Variants in SCFD2 observed in about 807,000 individuals in gnomAD.
SCFD2 encodes the protein sec1 family domain-containing protein 2.
A neutral mutation model predicts 58.9 loss-of-function variants in SCFD2; 54 were observed. The observed-to-expected ratio is 0.92, with a 90% confidence interval of 0.74 to 1.15. SCFD2 has a LOEUF of 1.15. SCFD2 is among the 50% of genes most tolerant of loss of function. The pLI, the probability that SCFD2 is intolerant of heterozygous loss-of-function variation, is 0.00. For synonymous variants in SCFD2, 321 were observed against 335.9 expected, an observed-to-expected ratio of 0.96 and a Z score of 0.49; for missense variants, 805 against 836.6, an observed-to-expected ratio of 0.96 and a Z score of 0.47.
At chr4:53,252,124 C>T (rs1273927585) in intron 4 of SCFD2, among the ~76,000 whole-genome samples, 1 of 147,132 alleles carries the variant, frequency 6.8e-6, no homozygotes, top group Non-Finnish European at 1.5e-5. Context: ...TGAGTGAACT[C>T]CCATTCACAA....
chr4:53,216,951 C>T (rs1387145225), intron 4 of SCFD2, among the ~76,000 whole-genome samples: 34 of 152,140 alleles, frequency 2.2e-4, no homozygotes, highest in Non-Finnish European at 3.7e-4. Flanking sequence ...TGTAGCTGAG[C>T]GGTTTTGAGT....
chr4:53,000,640 G>A (rs540250820), intron 5 of SCFD2, among the ~76,000 whole-genome samples: 1 of 152,284 alleles, frequency 6.6e-6, no homozygotes, highest in South Asian at 2.1e-4. Context: ...CCAGAGTCTT[G>A]GCCTATCTTC....
chr4:52,885,113 G>T (rs1718703822), intron 8 of SCFD2, among the ~76,000 whole-genome samples: 1 of 152,182 alleles, frequency 6.6e-6, no homozygotes, highest in Non-Finnish European at 1.5e-5. Flanking sequence ...GGGATGGGAT[G>T]GGGCCTGACA....
At chr4:53,125,027 C>G (rs770372957) in intron 5 of SCFD2, among the ~76,000 whole-genome samples, 4 of 152,162 alleles carry the variant, frequency 2.6e-5, no homozygotes, top group African/African-American at 4.8e-5. Flanking sequence ...AGAAGGAACA[C>G]ATGTGGATAA....
intron 4 of SCFD2, among the ~76,000 whole-genome samples, chr4:53,152,372 A>T (rs1290952609): frequency 1.3e-5 from 2 of 152,182 alleles, no homozygotes; most frequent in African/African-American, 4.8e-5. Context: ...AAAAAAAATT[A>T]AAAAAAGAAC....
At chr4:53,128,749 T>C (rs566835918) in intron 5 of SCFD2, among the ~76,000 whole-genome samples, 5 of 152,242 alleles carry the variant, frequency 3.3e-5, no homozygotes, top group Non-Finnish European at 7.3e-5. Context: ...TTGTTATCCA[T>C]GGAAGAGATG....
intron 5 of SCFD2, among the ~76,000 whole-genome samples, chr4:53,095,394 G>A (rs1006413815): frequency 1.6e-4 from 22 of 139,510 alleles, no homozygotes; most frequent in African/African-American, 5.4e-4. Flanking sequence ...TCCAGAGAAT[G>A]CCTAAGGCAT....
chr4:52,878,928 C>T (rs750583931), intron 8 of SCFD2, among the ~76,000 whole-genome samples: 10 of 152,128 alleles, frequency 6.6e-5, no homozygotes, highest in Non-Finnish European at 1.0e-4. Flanking sequence ...TCCCTGCTTC[C>T]TCTCCCTTTC....
chr4:53,230,003 C>CA (rs1246474171), intron 4 of SCFD2, among the ~76,000 whole-genome samples: 1 of 151,850 alleles, frequency 6.6e-6, no homozygotes, highest in African/African-American at 2.4e-5. Flanking sequence ...TTTATGCAGC[C>CA]AAAAAAACAC....
Position 52,902,801 on chromosome 4 carries a change from G to A in SCFD2, c.1842+4656C>T, listed in dbSNP as rs532611139. ...AGATGTGCCCAAGGTCACATAGTTA[G>A]TAAACGGTGGAGCTTGGGTTCTAAC... On this transcript the variant is annotated intron_variant, in intron 7 of 8. Transcript: ENST00000401642. 7.2e-5 allele frequency among the ~76,000 whole-genome samples: 11 copies of A among 152,314 alleles called. No homozygotes were observed. The South Asian group carries it at 2.1e-3, about 29-fold the overall frequency.
At chr4:52,918,286 A>C (rs1719654562) in intron 6 of SCFD2, among the ~76,000 whole-genome samples, 2 of 152,340 alleles carry the variant, frequency 1.3e-5, no homozygotes, top group South Asian at 2.1e-4. Context: ...TTTCCTATGC[A>C]TGCATATTTT....
At chr4:53,341,711 G>T (rs1733881242) in intron 2 of SCFD2, among the ~76,000 whole-genome samples, 2 of 152,148 alleles carry the variant, frequency 1.3e-5, no homozygotes. Context: ...CAGAGAGAAA[G>T]GTCGGGTTAC....
intron 5 of SCFD2, among the ~76,000 whole-genome samples, chr4:53,106,707 G>A (rs1455977314): frequency 6.6e-6 from 1 of 152,098 alleles, no homozygotes; most frequent in Non-Finnish European, 1.5e-5. Flanking sequence ...CCAAGGAATA[G>A]GGGACTATGT....
At chr4:53,251,967 A>T (rs1246686550) in intron 4 of SCFD2, among the ~76,000 whole-genome samples, 82 of 152,170 alleles carry the variant, frequency 5.4e-4, no homozygotes, top group African/African-American at 1.9e-3. Context: ...GACGACATGA[A>T]TGTATATCTA....
chr4:52,977,626 G>A (rs568481119), intron 5 of SCFD2, among the ~76,000 whole-genome samples: 2 of 152,208 alleles, frequency 1.3e-5, no homozygotes, highest in African/African-American at 2.4e-5. Context: ...AAAAATGGAA[G>A]TATCTGTGGC....
At chr4:53,039,105 AG>A (rs1460666243) in intron 5 of SCFD2, among the ~76,000 whole-genome samples, 1 of 152,112 alleles carries the variant, frequency 6.6e-6, no homozygotes, top group Non-Finnish European at 1.5e-5. Context: ...ACTCTAGTCT[AG>A]TGCCTTCAGA....
At chr4:53,072,925 T>A (rs1723863846) in intron 5 of SCFD2, among the ~76,000 whole-genome samples, 1 of 152,142 alleles carries the variant, frequency 6.6e-6, no homozygotes, top group South Asian at 2.1e-4. Context: ...GCTTCATTAG[T>A]CCCTGAGATG....
Position 53,218,728 on chromosome 4 carries a change from G to T in SCFD2, c.1311+55098C>A, listed in dbSNP as rs186994229. 1.4e-3 allele frequency among the ~76,000 whole-genome samples: 213 copies of T among 152,312 alleles called. 5 individuals are homozygous for T. In the East Asian group the frequency reaches 0.037, roughly 26 times the overall value. Reference sequence around the variant, plus strand: ...AGGGGGAGAGGCGCTCTGATTTTTAGATTTTTCAGCTTTTCTGCTCTGCTT... The same window carrying T: ...AGGGGGAGAGGCGCTCTGATTTTTATATTTTTCAGCTTTTCTGCTCTGCTT... On this transcript the variant is annotated intron_variant, in intron 4 of 8. Transcript: ENST00000401642.
chr4:53,141,964 G>A (rs981745595), intron 5 of SCFD2, among the ~76,000 whole-genome samples: 17 of 152,070 alleles, frequency 1.1e-4, no homozygotes, highest in Non-Finnish European at 2.2e-4. Flanking sequence ...ATCCACTCAG[G>A]CTCACACACT....
Sources: gnomAD v4.1 joint callset for allele counts (sites outside exome capture counted in the v4.1 genomes callset) on GRCh38, gnomAD v4.1.1 for gene constraint, MANE v1.5 for transcripts, NCBI Gene and HGNC (gene_info 2026-07-23, HGNC 2026-07-21) for gene names.